ARHGAP15: variants seen among roughly 807,000 people sequenced by gnomAD.
The protein encoded by ARHGAP15 is rho GTPase-activating protein 15.
Under a neutral mutation model 63.7 loss-of-function variants are expected in ARHGAP15, and 51 were observed. The observed-to-expected ratio is 0.80, with a 90% CI of 0.64 to 1.01. The LOEUF (loss-of-function observed/expected upper bound fraction) is 1.01. ARHGAP15 is among the 50% of genes least tolerant of loss of function. ARHGAP15 has a pLI of 0.00. For synonymous variants in ARHGAP15, 191 were observed against 193.8 expected (o/e 0.99, Z 0.12); for missense variants, 560 against 564.6 (o/e 0.99, Z 0.08).
chr2:143,379,538 A>AT (rs1553471665), intron 6 of ARHGAP15, among the ~76,000 whole-genome samples: 2 of 124,258 alleles, frequency 1.6e-5, no homozygotes, highest in African/African-American at 2.7e-5. Context: ...TGTGTATGAG[A>AT]GAGAGAGAAT....
At chr2:143,403,637 T>C (rs987121721) in intron 6 of ARHGAP15, among the ~76,000 whole-genome samples, 4 of 151,788 alleles carry the variant, frequency 2.6e-5, no homozygotes, top group African/African-American at 9.7e-5. Context: ...TGCCCAGCAA[T>C]GGAAGAAATA....
At chr2:143,513,566 CCT>C (rs1693678306) in intron 9 of ARHGAP15, among the ~76,000 whole-genome samples, 1 of 152,196 alleles carries the variant, frequency 6.6e-6, no homozygotes, top group Non-Finnish European at 1.5e-5. Context: ...CAGTTTCACT[CCT>C]CTACTGAAAC....
At chr2:143,587,450 A>T (rs374516056) in intron 11 of ARHGAP15, among the ~76,000 whole-genome samples, 1 of 152,230 alleles carries the variant, frequency 6.6e-6, no homozygotes, top group East Asian at 1.9e-4. Flanking sequence ...ATTAGTTCTG[A>T]TGCTTTTCAC....
At chr2:143,387,320 A>G (rs1158259779) in intron 6 of ARHGAP15, among the ~76,000 whole-genome samples, 1 of 152,196 alleles carries the variant, frequency 6.6e-6, no homozygotes, top group African/African-American at 2.4e-5. Flanking sequence ...CACTGATAAT[A>G]AGTGACAATG....
chr2:143,435,156 T>A, intron 6 of ARHGAP15: 2 of 614,666 alleles, frequency 3.3e-6, no homozygotes, highest in Non-Finnish European at 4.1e-6. Flanking sequence ...AAATAAACTG[T>A]TTTAGAGCTC....
At chr2:143,740,980 C>T (rs1434215165) in intron 13 of ARHGAP15, 1 of 152,112 alleles carries the variant, frequency 6.6e-6, no homozygotes, top group Non-Finnish European at 1.5e-5. Context: ...TACTGTATTG[C>T]TATAAAACTA....
chr2:143,738,515 A>G (rs1332905806), intron 13 of ARHGAP15, among the ~76,000 whole-genome samples: 7 of 152,164 alleles, frequency 4.6e-5, no homozygotes, highest in Admixed American at 3.9e-4. Flanking sequence ...GACTTGAACA[A>G]CTTCCGGGCC....
rs1451997038 is a variant in ARHGAP15 at position 143,557,095 on chromosome 2, T to C, written c.1003+610T>C. Among the ~76,000 whole-genome samples, 5 of 152,236 alleles carry C rather than the reference T, an allele frequency of 3.3e-5. No homozygotes were observed. In the East Asian group the frequency reaches 7.7e-4, roughly 23 times the overall value. On this transcript the variant is annotated intron_variant, in intron 11 of 13. Coordinates refer to ENST00000295095, the MANE Select transcript of ARHGAP15 (RefSeq NM_018460.4). ...TTTGGAAGAAAATTTGGCAGTTTCT[T>C]ATGAAAATAAATGTATTTTTATTGT... is the stretch of plus-strand genomic sequence containing the variant.
At chr2:143,594,366 A>G (rs978800976) in intron 11 of ARHGAP15, among the ~76,000 whole-genome samples, 3 of 152,190 alleles carry the variant, frequency 2.0e-5, no homozygotes, top group Non-Finnish European at 4.4e-5. Flanking sequence ...ACAAAGCAAC[A>G]ATGTAAGCAA....
intron 9 of ARHGAP15, among the ~76,000 whole-genome samples, chr2:143,509,922 G>A (rs984472415): frequency 2.7e-5 from 4 of 149,740 alleles, no homozygotes; most frequent in African/African-American, 9.8e-5. Flanking sequence ...TCAGGAGGCC[G>A]AGGCAGGAGA....
intron 6 of ARHGAP15, among the ~76,000 whole-genome samples, chr2:143,312,614 A>C (rs1683502885): frequency 6.6e-6 from 1 of 152,158 alleles, no homozygotes; most frequent in African/African-American, 2.4e-5. Flanking sequence ...CTACAAAGTA[A>C]AATATTTGGC....
chr2:143,225,179 A>C (rs886769360), intron 4 of ARHGAP15, among the ~76,000 whole-genome samples: 21 of 152,152 alleles, frequency 1.4e-4, no homozygotes, highest in African/African-American at 4.8e-4. Flanking sequence ...TTTATTCCGC[A>C]CTGGGCTTTG....
intron 11 of ARHGAP15, chr2:143,608,357 TA>T (rs774541701): frequency 4.6e-5 from 7 of 152,216 alleles, no homozygotes; most frequent in Non-Finnish European, 8.8e-5. Context: ...TTTTATGTGT[TA>T]TTTTTTTCCT....
At chr2:143,267,849 CA>C (rs969877541) in intron 6 of ARHGAP15, among the ~76,000 whole-genome samples, 3 of 150,412 alleles carry the variant, frequency 2.0e-5, no homozygotes, top group East Asian at 1.9e-4. Context: ...ATATTTAGCA[CA>C]AAAAATATTT....
intron 6 of ARHGAP15, among the ~76,000 whole-genome samples, chr2:143,398,028 CT>C (rs1330961988): frequency 6.6e-6 from 1 of 152,076 alleles, no homozygotes; most frequent in Non-Finnish European, 1.5e-5. Context: ...ACTCTTAAAT[CT>C]GCTTTTTAAA....
At chr2:143,587,898 T>G (rs1697172068) in intron 11 of ARHGAP15, 1 of 294,906 alleles carries the variant, frequency 3.4e-6, no homozygotes, top group Admixed American at 3.9e-5. Context: ...CTACTGTTGT[T>G]AGCACCTCAA....
At chr2:143,333,597 T>A (rs889648787) in intron 6 of ARHGAP15, among the ~76,000 whole-genome samples, 2 of 152,198 alleles carry the variant, frequency 1.3e-5, no homozygotes, top group Admixed American at 1.3e-4. Flanking sequence ...GTAAATATAC[T>A]GTAGCTCAAA....
chr2:143,205,385 A>T (rs1692293450), intron 3 of ARHGAP15, among the ~76,000 whole-genome samples: 1 of 152,024 alleles, frequency 6.6e-6, no homozygotes, highest in Admixed American at 6.6e-5. Context: ...ATACTACAGC[A>T]TTTATTTTTG....
At chr2:143,209,720 C>T (rs1574094374) in intron 3 of ARHGAP15, among the ~76,000 whole-genome samples, 2 of 152,028 alleles carry the variant, frequency 1.3e-5, no homozygotes, top group African/African-American at 2.4e-5. Context: ...GTGCAAGGGT[C>T]GCCAGGTCAG....
Sources: gnomAD v4.1 joint callset for allele counts (sites outside exome capture counted in the v4.1 genomes callset) on GRCh38, gnomAD v4.1.1 for gene constraint, MANE v1.5 for transcripts, NCBI Gene and HGNC (gene_info 2026-07-23, HGNC 2026-07-21) for gene names.